MRTFB: variants seen among roughly 807,000 people sequenced by gnomAD.
MRTFB encodes myocardin-related transcription factor B.
Under a neutral mutation model 104.2 loss-of-function variants are expected in MRTFB, and 29 were observed. That is an observed-to-expected ratio of 0.28 (90% confidence interval 0.21 to 0.38). The LOEUF is 0.38. Among genes scored for constraint, MRTFB ranks in the 10% least tolerant of loss-of-function variants. MRTFB has a pLI of 1.00. For synonymous variants in MRTFB, 535 were observed against 519.5 expected, an observed-to-expected ratio of 1.03 and a Z score of -0.41; for missense variants, 1,270 against 1,341.6, an observed-to-expected ratio of 0.95 and a Z score of 0.83.
chr16:14,045,067 A>C, the MRTFB span, among the ~76,000 whole-genome samples: 1 of 152,128 alleles, frequency 6.6e-6, no homozygotes, highest in East Asian at 1.9e-4. Flanking sequence ...GTCACCATGT[A>C]GCTCTCAGTT....
chr16:14,251,238 G>T (rs2043241159), intron 13 of MRTFB, among the ~76,000 whole-genome samples: 1 of 152,020 alleles, frequency 6.6e-6, no homozygotes, highest in Admixed American at 6.6e-5. Flanking sequence ...TTAGTTGGGT[G>T]TGGTGGCGGG....
At chr16:14,000,575 G>T in the MRTFB span, among the ~76,000 whole-genome samples, 3 of 152,164 alleles carry the variant, frequency 2.0e-5, no homozygotes. Context: ...TAAAGCCAGG[G>T]CCTTTTCTGC....
the MRTFB span, among the ~76,000 whole-genome samples, chr16:14,017,412 A>G: frequency 6.6e-6 from 1 of 151,182 alleles, no homozygotes; most frequent in Non-Finnish European, 1.5e-5. Context: ...TGCAGCAAAA[A>G]CTGGAACAAG....
chr16:14,257,098 G>A (rs1355339752), intron 15 of MRTFB, among the ~76,000 whole-genome samples: 1 of 152,174 alleles, frequency 6.6e-6, no homozygotes, highest in Non-Finnish European at 1.5e-5. Context: ...ACAAAGTATT[G>A]GTGAGAATGG....
Position 14,240,216 on chromosome 16 carries a change from TTTTC to T in MRTFB, c.832-17_832-14del. On this transcript the variant is annotated splice_polypyrimidine_tract_variant and intron_variant, in intron 9 of 16. Coordinates refer to ENST00000571589, the MANE Select transcript of MRTFB (RefSeq NM_001308142.2). ...TGTGGTGACATCTCTTTAAATGTTA[TTTTC>T]TTTTTCTCAAAAATAGCAAAGCCAT... 6.4e-7 allele frequency: 1 copy of T among 1,567,712 alleles called. No homozygotes were observed. Among genetic ancestry groups the T allele is most frequent in the Non-Finnish European group, 8.6e-7 (1 of 1,161,198 alleles).
chr16:14,260,767 C>A, intron 16 of MRTFB, 142 bp from the exon 17 acceptor site: 1 of 665,112 alleles, frequency 1.5e-6, no homozygotes, highest in Non-Finnish European at 2.5e-6. Context: ...TGTACCTGAC[C>A]AATAGCATTC....
chr16:14,030,018 T>C, the MRTFB span, among the ~76,000 whole-genome samples: 3 of 146,448 alleles, frequency 2.0e-5, no homozygotes, highest in Non-Finnish European at 3.0e-5. Flanking sequence ...AGGGGAGGAG[T>C]GAGAGCTGCC....
At chr16:14,049,320 A>C in the MRTFB span, among the ~76,000 whole-genome samples, 3 of 152,234 alleles carry the variant, frequency 2.0e-5, no homozygotes, top group Admixed American at 2.0e-4. Context: ...CACTCCCCTA[A>C]ATAAGAAGCC....
chr16:14,154,308 C>G (rs1257572715), intron 3 of MRTFB, among the ~76,000 whole-genome samples: 1 of 152,126 alleles, frequency 6.6e-6, no homozygotes, highest in African/African-American at 2.4e-5. Flanking sequence ...GCACTCTAGC[C>G]TGGTGACAGA....
Position 14,177,683 on chromosome 16 carries a change from C to T in MRTFB, c.155-32560C>T, listed in dbSNP as rs570594151. On this transcript the variant is annotated intron_variant, in intron 3 of 16. Transcript: ENST00000571589. This position sits in a 1 kb window ranked among gnomAD's most constrained non-coding sequence, Gnocchi z 4.7. ...CTACTAAAAAACAAAATTAACTGGG[C>T]ATGGTGGCATGAGCCTGTAGACCCA... Among the ~76,000 whole-genome samples, 18 of 151,780 alleles carry T rather than the reference C, an allele frequency of 1.2e-4. No homozygotes were observed. Among genetic ancestry groups the T allele is most frequent in the Non-Finnish European group, 2.4e-4 (16 of 67,922 alleles).
intron 2 of MRTFB, among the ~76,000 whole-genome samples, chr16:14,122,608 A>G (rs1208130368): frequency 6.6e-6 from 1 of 152,222 alleles, no homozygotes; most frequent in Non-Finnish European, 1.5e-5. Context: ...TGCAAAGGAT[A>G]TGAACTCATC....
At chr16:14,249,717 G>A (rs2043174946) in intron 13 of MRTFB, among the ~76,000 whole-genome samples, 1 of 152,222 alleles carries the variant, frequency 6.6e-6, no homozygotes, top group African/African-American at 2.4e-5. Context: ...CCGGTAGCCA[G>A]TAGGTGGAGC....
At position 14,080,521 on chromosome 16, in the gene MRTFB, A is replaced by C. The variant is rs149900931; in HGVS notation, c.-64+1167A>C. ...CATTTACTCTCTTTGTATTTACTCT[A>C]TTTTTGGAAGAATACAGTATATCAT... On this transcript the variant is annotated intron_variant, in intron 2 of 16. Transcript: ENST00000571589. Among the ~76,000 whole-genome samples the C allele has an allele frequency of 1.1e-4, 17 of 152,214 alleles. No individual in the cohort carries two copies. In the East Asian group the frequency reaches 3.3e-3, roughly 29 times the overall value.
intron 3 of MRTFB, among the ~76,000 whole-genome samples, chr16:14,185,768 G>A (rs2039931583): frequency 6.6e-6 from 1 of 151,798 alleles, no homozygotes; most frequent in Non-Finnish European, 1.5e-5. Flanking sequence ...GGAACTCTTT[G>A]CAAAGGAACA....
At chr16:14,104,563 T>C (rs1458620153) in intron 2 of MRTFB, among the ~76,000 whole-genome samples, 1 of 152,202 alleles carries the variant, frequency 6.6e-6, no homozygotes, top group East Asian at 1.9e-4. Context: ...AAGGCTTCAT[T>C]ATTCAAAGTG....
intron 2 of MRTFB, among the ~76,000 whole-genome samples, chr16:14,112,996 G>A (rs1441560957): frequency 6.6e-6 from 1 of 152,068 alleles, no homozygotes; most frequent in African/African-American, 2.4e-5. Context: ...TATTACACGA[G>A]GGCAGAAATT....
At chr16:14,221,416 A>G (rs1417636475) in intron 8 of MRTFB, among the ~76,000 whole-genome samples, 1 of 152,216 alleles carries the variant, frequency 6.6e-6, no homozygotes, top group African/African-American at 2.4e-5. Flanking sequence ...GATTTATCTT[A>G]GTAACCTCAT....
chr16:14,260,354 TAAA>T (rs11334309), intron 16 of MRTFB, among the ~76,000 whole-genome samples: 3 of 129,272 alleles, frequency 2.3e-5, no homozygotes, highest in African/African-American at 8.0e-5. Context: ...ACTGTAATGA[TAAA>T]AAAAAAAAAA....
At chr16:14,008,077 C>T in the MRTFB span, among the ~76,000 whole-genome samples, 1 of 152,010 alleles carries the variant, frequency 6.6e-6, no homozygotes, top group Non-Finnish European at 1.5e-5. Flanking sequence ...ATTTTAAAGT[C>T]CAATTTAGCT....
Sources: allele counts gnomAD v4.1 joint callset (sites outside exome capture counted in the v4.1 genomes callset), GRCh38; gene constraint gnomAD v4.1.1; non-coding constraint Gnocchi (gnomAD v3.1); transcripts MANE v1.5; gene names NCBI Gene and HGNC (gene_info 2026-07-23, HGNC 2026-07-21).